The following MTHFD1L variants were observed in gnomAD, a reference collection of about 807,000 sequenced individuals.
MTHFD1L encodes methylenetetrahydrofolate dehydrogenase (NADP+ dependent) 1 like.
Under a neutral mutation model 119.5 loss-of-function variants are expected in MTHFD1L, and 81 were observed. The observed-to-expected ratio is 0.68, with a 90% CI of 0.57 to 0.82. MTHFD1L has a LOEUF of 0.82. MTHFD1L is among the 40% of genes least tolerant of loss of function. MTHFD1L has a pLI of 0.00. For missense variants in MTHFD1L, 1,125 were observed against 1,253.4 expected (o/e 0.90, Z 1.55); for synonymous variants, 430 against 475.2 (o/e 0.90, Z 1.24).
At chr6:150,942,030 G>A (rs1360454491) in intron 13 of MTHFD1L, among the ~76,000 whole-genome samples, 2 of 152,090 alleles carry the variant, frequency 1.3e-5, no homozygotes, top group Non-Finnish European at 2.9e-5. Flanking sequence ...AGGCTGAGGC[G>A]AGTGGATCAC....
chr6:150,913,455 G>A (rs745889500), intron 8 of MTHFD1L, among the ~76,000 whole-genome samples: 7 of 151,656 alleles, frequency 4.6e-5, no homozygotes, highest in African/African-American at 7.3e-5. Flanking sequence ...GTGAGCCACC[G>A]CGCCCAGTCC....
chr6:150,922,451 A>G (rs2128896991), intron 10 of MTHFD1L, 149 bp downstream of exon 10: 1 of 512,834 alleles, frequency 1.9e-6, no homozygotes, highest in Non-Finnish European at 3.4e-6. Flanking sequence ...TATTTTCTCT[A>G]TTGTAAATTC....
At chr6:150,922,058 TA>T in intron 9 of MTHFD1L, 146 bp from the exon 10 acceptor site, 1 of 631,240 alleles carries the variant, frequency 1.6e-6, no homozygotes, top group Non-Finnish European at 2.8e-6. Context: ...TACACGTGAA[TA>T]AAAATATTCC....
At chr6:150,982,696 A>G (rs1218734410) in intron 20 of MTHFD1L, among the ~76,000 whole-genome samples, 1 of 148,870 alleles carries the variant, frequency 6.7e-6, no homozygotes, top group Non-Finnish European at 1.5e-5. Flanking sequence ...TTGTCCTGAC[A>G]CTTCTTTTTT....
intron 24 of MTHFD1L, among the ~76,000 whole-genome samples, chr6:151,033,140 A>G (rs1335329252): frequency 6.7e-6 from 1 of 148,304 alleles, no homozygotes; most frequent in Non-Finnish European, 1.5e-5. Context: ...TTTTTTTGAG[A>G]CAGAGTCTTG....
chr6:150,867,277 C>A (rs1017100864), intron 1 of MTHFD1L, among the ~76,000 whole-genome samples: 3 of 152,126 alleles, frequency 2.0e-5, no homozygotes, highest in Non-Finnish European at 4.4e-5. Flanking sequence ...ATGCAGCCTC[C>A]GCCTCCTGGG....
At chr6:150,889,034 G>A (rs550052675) in intron 7 of MTHFD1L, among the ~76,000 whole-genome samples, 8 of 152,238 alleles carry the variant, frequency 5.3e-5, no homozygotes, top group East Asian at 3.9e-4. Context: ...AAAATTAGCC[G>A]GGCGTGTCGG....
intron 24 of MTHFD1L, among the ~76,000 whole-genome samples, chr6:151,020,642 G>T (rs1562550843): frequency 6.6e-6 from 1 of 152,160 alleles, no homozygotes; most frequent in Non-Finnish European, 1.5e-5. Context: ...AAGTTTTATT[G>T]TGTGAAAATG....
At chr6:150,978,821 G>C (rs1206309242) in intron 20 of MTHFD1L, among the ~76,000 whole-genome samples, 3 of 152,172 alleles carry the variant, frequency 2.0e-5, no homozygotes, top group African/African-American at 7.2e-5. Flanking sequence ...CGATCAATCA[G>C]AGAGTAAGTG....
intron 26 of MTHFD1L, among the ~76,000 whole-genome samples, chr6:151,063,329 G>A (rs117805224): frequency 0.032 from 4,927 of 152,266 alleles, 160 homozygotes; most frequent in Admixed American, 0.1. Context: ...GGTCATTTGT[G>A]TAGTCTCTCT....
At chr6:150,901,547 A>G (rs1261515562) in intron 7 of MTHFD1L, among the ~76,000 whole-genome samples, 2 of 152,200 alleles carry the variant, frequency 1.3e-5, no homozygotes, top group Non-Finnish European at 2.9e-5. Context: ...TAACCCATAA[A>G]GCCACTTAAC....
chr6:151,046,461 A>G (rs1209370892), intron 26 of MTHFD1L, among the ~76,000 whole-genome samples: 2 of 71,672 alleles, frequency 2.8e-5, no homozygotes, highest in East Asian at 4.1e-4. Flanking sequence ...TATATATAAT[A>G]TGTGTGTGTG....
At chr6:150,978,489 A>G (rs1256722696) in intron 20 of MTHFD1L, among the ~76,000 whole-genome samples, 2 of 152,176 alleles carry the variant, frequency 1.3e-5, no homozygotes, top group African/African-American at 4.8e-5. Flanking sequence ...ACACTCATGC[A>G]GCAGAGGAGA....
intron 13 of MTHFD1L, among the ~76,000 whole-genome samples, chr6:150,941,609 C>T (rs1793128264): frequency 6.6e-6 from 1 of 152,072 alleles, no homozygotes; most frequent in African/African-American, 2.4e-5. Context: ...GATTTGTTTG[C>T]TGATGTTTGC....
chr6:150,885,769 A>G, intron 6 of MTHFD1L, 35 bp downstream of exon 6: 4 of 1,451,838 alleles, frequency 2.8e-6, no homozygotes, highest in Non-Finnish European at 3.9e-6. Flanking sequence ...GCTGATTTCT[A>G]TTTATTGGTA....
chr6:150,878,257 C>CT (rs199525112), intron 4 of MTHFD1L, among the ~76,000 whole-genome samples: 17,008 of 147,296 alleles, frequency 0.12, 1,095 homozygotes, highest in East Asian at 0.22. Flanking sequence ...CTCTCTCTCT[C>CT]TTTTTTTTTT....
chr6:150,973,806 T>G (rs1776137544), intron 20 of MTHFD1L, among the ~76,000 whole-genome samples: 1 of 151,866 alleles, frequency 6.6e-6, no homozygotes, highest in Admixed American at 6.6e-5. Flanking sequence ...AGATGAGGAG[T>G]TGGATGTGGA....
intron 24 of MTHFD1L, among the ~76,000 whole-genome samples, chr6:151,032,761 G>A (rs1053951576): frequency 6.6e-6 from 1 of 152,142 alleles, no homozygotes; most frequent in Admixed American, 6.6e-5. Flanking sequence ...CTCAGTGAAA[G>A]GTTATAAGGC....
chr6:150,865,801 TG>T lies in MTHFD1L; in HGVS notation c.-21del. 1 of 1,292,476 alleles carries T rather than the reference TG, an allele frequency of 7.7e-7. No individual in the cohort carries two copies. The allele number at this position is 1,292,476 out of a possible 1,614,324, so 80.1% of individuals were successfully genotyped here. A position where few individuals can be genotyped will look rare whatever the true frequency, so the allele number is the denominator to read the frequency against. On this transcript the variant is annotated 5_prime_UTR_variant, in exon 1 of 28. Coordinates refer to ENST00000367321, the MANE Select transcript of MTHFD1L (RefSeq NM_015440.5). ...TCGGCAGCCGCAGCTCCGTGTCCCC[TG>T]AGAACCAGCCGTCCCGCGCCATGGG...
Sources: gnomAD v4.1 joint callset for allele counts (sites outside exome capture counted in the v4.1 genomes callset) on GRCh38, gnomAD v4.1.1 for gene constraint, MANE v1.5 for transcripts, NCBI Gene and HGNC (gene_info 2026-07-23, HGNC 2026-07-21) for gene names.